Variants in HNRNPM observed in about 807,000 individuals in gnomAD.
HNRNPM encodes heterogeneous nuclear ribonucleoprotein M.
Under a neutral mutation model 73.1 loss-of-function variants are expected in HNRNPM, and 11 were observed. That is an observed-to-expected ratio of 0.15 (90% CI 0.09 to 0.25). The LOEUF (loss-of-function observed/expected upper bound fraction) is 0.25, where lower values mean the gene tolerates loss of function less well. HNRNPM is among the 10% of genes least tolerant of loss of function. HNRNPM has a pLI of 1.00. For missense variants in HNRNPM, 789 were observed against 1,067.9 expected (o/e 0.74, Z 3.64); for synonymous variants, 407 against 355.2 (o/e 1.15, Z -1.64).
chr19:8,475,081 G>A (rs1044362632), intron 12 of HNRNPM, among the ~76,000 whole-genome samples: 2 of 152,208 alleles, frequency 1.3e-5, no homozygotes, highest in African/African-American at 4.8e-5. Context: ...TTTAGTCCTT[G>A]TGAGAACCAC....
chr19:8,457,649 C>T (rs911451265), intron 2 of HNRNPM, among the ~76,000 whole-genome samples: 13 of 152,170 alleles, frequency 8.5e-5, no homozygotes, highest in African/African-American at 3.1e-4. Context: ...TGCTTATATT[C>T]AGTATGTGAG....
At chr19:8,474,361 G>A (rs553691171) in intron 12 of HNRNPM, 117 bp downstream of exon 12, 12 of 599,120 alleles carry the variant, frequency 2.0e-5, no homozygotes, top group East Asian at 3.1e-5. Context: ...CTTTTCAACC[G>A]AATCAAATGT....
intron 2 of HNRNPM, among the ~76,000 whole-genome samples, chr19:8,458,753 G>C (rs1969195770): frequency 6.6e-6 from 1 of 152,182 alleles, no homozygotes; most frequent in African/African-American, 2.4e-5. Flanking sequence ...ATTTCAAATT[G>C]CATCTGACAG....
At chr19:8,445,276 G>C in intron 1 of HNRNPM, 165 bp downstream of exon 1, 1 of 526,812 alleles carries the variant, frequency 1.9e-6, no homozygotes, top group South Asian at 5.3e-5. Flanking sequence ...CGTGAGCGGG[G>C]AGCCGGGGGA....
chr19:8,454,104 A>G (rs1035750532), intron 1 of HNRNPM, among the ~76,000 whole-genome samples: 3 of 152,230 alleles, frequency 2.0e-5, no homozygotes, highest in African/African-American at 7.2e-5. Context: ...GTTAAAATAT[A>G]CATAAAATAG....
At chr19:8,467,628 A>T in intron 8 of HNRNPM, 44 bp downstream of exon 8, 2 of 1,346,970 alleles carry the variant, frequency 1.5e-6, no homozygotes, top group Non-Finnish European at 2.1e-6. Flanking sequence ...CAAGTCTAGC[A>T]AAAACATGGA....
rs182843071 is a variant in HNRNPM, at chr19:8,482,599, G to A, written c.1121-559G>A. 2.1e-3 allele frequency: 320 copies of A among 152,602 alleles called. 2 individuals carry two copies. Among genetic ancestry groups the A allele is most frequent in the Non-Finnish European group, 3.3e-3 (222 of 68,280 alleles). The allele number at this position is 152,602 out of a possible 1,614,324, so 9.5% of individuals were successfully genotyped here. ...GGCTGGCATGCTCAAGGATTTCCGC[G>A]CAGAGCTCATTTGTTAGCGTTGAGG... On this transcript the variant is annotated intron_variant, in intron 12 of 15. Transcript: ENST00000325495.
At chr19:8,452,385 T>G (rs1357954971) in intron 1 of HNRNPM, among the ~76,000 whole-genome samples, 2 of 152,320 alleles carry the variant, frequency 1.3e-5, no homozygotes, top group East Asian at 3.9e-4. Flanking sequence ...GACCATGATG[T>G]GTAGATTCTG....
chr19:8,465,122 G>A (rs971176143), intron 5 of HNRNPM, among the ~76,000 whole-genome samples: 7 of 152,102 alleles, frequency 4.6e-5, no homozygotes, highest in Non-Finnish European at 1.0e-4. Context: ...TACACTTCAT[G>A]CCTTTTCTTC....
At chr19:8,484,717 C>T (rs557006924) in intron 13 of HNRNPM, among the ~76,000 whole-genome samples, 7 of 152,270 alleles carry the variant, frequency 4.6e-5, no homozygotes, top group African/African-American at 1.2e-4. Context: ...CTGCTTGGGT[C>T]GGTCACAGGC....
chr19:8,466,205 G>A (rs747087606), intron 6 of HNRNPM, 30 bp from the exon 7 acceptor site: 1 of 1,591,878 alleles, frequency 6.3e-7, no homozygotes, highest in South Asian at 1.1e-5. Context: ...TGTTTACATT[G>A]AGGTTTTTAC....
chr19:8,449,934 A>C lies in HNRNPM; in HGVS notation c.113+4823A>C, dbSNP rs189928552. 2.1e-3 allele frequency among the ~76,000 whole-genome samples: 327 copies of C among 152,330 alleles called. 1 individual carries two copies. Among genetic ancestry groups the C allele is most frequent in the African/African-American group, 7.5e-3 (312 of 41,574 alleles). Reference sequence around the variant, plus strand: ...ACCCCAGCTCTTAGCCACATGCAGTACTGCTTCCCTAGATGAGCTGCTTTT... The same window carrying C: ...ACCCCAGCTCTTAGCCACATGCAGTCCTGCTTCCCTAGATGAGCTGCTTTT... On this transcript the variant is annotated intron_variant, in intron 1 of 15. Coordinates refer to ENST00000325495, the MANE Select transcript of HNRNPM (RefSeq NM_005968.5).
rs563944013 is a variant in HNRNPM, at chr19:8,463,420, T to A, written c.337-77T>A. ...CATATTTTTAGTTTGTTTATAACTG[T>A]CATTGATATTTACTATTTTTTTCTT... On this transcript the variant is annotated intron_variant, in intron 3 of 15. Transcript: ENST00000325495. The A allele has an allele frequency of 5.4e-4, 763 of 1,407,028 alleles. 15 individuals are homozygous for A. In the South Asian group the frequency reaches 8.5e-3, roughly 16 times the overall value. The allele number at this position is 1,407,028 out of a possible 1,614,324, so 87.2% of individuals were successfully genotyped here.
At chr19:8,458,321 C>T (rs906097514) in intron 2 of HNRNPM, among the ~76,000 whole-genome samples, 5 of 152,210 alleles carry the variant, frequency 3.3e-5, no homozygotes, top group African/African-American at 4.8e-5. Flanking sequence ...CAGGCCACAG[C>T]TCCCCAGGTT....
chr19:8,482,119 C>T (rs778392922), intron 12 of HNRNPM, among the ~76,000 whole-genome samples: 1 of 152,090 alleles, frequency 6.6e-6, no homozygotes, highest in Non-Finnish European at 1.5e-5. Flanking sequence ...ATTACAGGCA[C>T]CTGCCATCAT....
intron 12 of HNRNPM, among the ~76,000 whole-genome samples, chr19:8,474,650 C>G (rs570187875): frequency 1.3e-5 from 2 of 151,918 alleles, no homozygotes. Flanking sequence ...AAATCACAGG[C>G]TCTTTTAATT....
chr19:8,457,936 C>G (rs1031030427), intron 2 of HNRNPM, among the ~76,000 whole-genome samples: 1 of 152,174 alleles, frequency 6.6e-6, no homozygotes, highest in Non-Finnish European at 1.5e-5. Flanking sequence ...CTGTTGTAAC[C>G]TAAGCACTCT....
chr19:8,453,643 G>T (rs928633527), intron 1 of HNRNPM, among the ~76,000 whole-genome samples: 1 of 152,064 alleles, frequency 6.6e-6, no homozygotes, highest in Non-Finnish European at 1.5e-5. Context: ...CCCGTGGTCT[G>T]GGAGTCACTG....
chr19:8,445,202 C>A (rs1009383014), intron 1 of HNRNPM, 91 bp downstream of exon 1: 4 of 1,162,824 alleles, frequency 3.4e-6, no homozygotes, highest in Non-Finnish European at 4.5e-6. Flanking sequence ...GGCGGCCTAG[C>A]CCCGGCGCGG....
Sources: allele counts gnomAD v4.1 joint callset (sites outside exome capture counted in the v4.1 genomes callset), GRCh38; gene constraint gnomAD v4.1.1; transcripts MANE v1.5; gene names NCBI Gene and HGNC (gene_info 2026-07-23, HGNC 2026-07-21).